The following KCNQ5 variants were observed in gnomAD, a reference collection of about 807,000 sequenced individuals.
KCNQ5 encodes the protein potassium voltage-gated channel subfamily KQT member 5.
In KCNQ5, 30 loss-of-function variants were observed where a neutral mutation model predicts 98.2. The observed-to-expected ratio is 0.31, with a 90% CI of 0.23 to 0.41. KCNQ5 has a LOEUF of 0.41. KCNQ5 is among the 10% of genes least tolerant of loss of function. KCNQ5 has a pLI of 1.00. For missense variants in KCNQ5, 835 were observed against 1,182.5 expected, an observed-to-expected ratio of 0.71 and a Z score of 4.31; for synonymous variants, 458 against 449.4, an observed-to-expected ratio of 1.02 and a Z score of -0.24.
chr6:73,141,142 A>G (rs1429489373), intron 10 of KCNQ5, among the ~76,000 whole-genome samples: 1 of 152,216 alleles, frequency 6.6e-6, no homozygotes, highest in Non-Finnish European at 1.5e-5. Context: ...TGGAAGTCCA[A>G]GATCATGGTG....
chr6:72,655,037 T>TTTCC (rs1766092411), intron 1 of KCNQ5, among the ~76,000 whole-genome samples: 4 of 125,936 alleles, frequency 3.2e-5, no homozygotes, highest in African/African-American at 9.0e-5. Flanking sequence ...TCTTTCTTTC[T>TTTCC]TTCTTTCTTT....
At position 72,985,185 on chromosome 6, in the gene KCNQ5, G is replaced by A. The variant is rs576051649; in HGVS notation, c.399-18723G>A. On this transcript the variant is annotated intron_variant, in intron 1 of 13. Transcript: ENST00000370398. ...CTGGCCACTGTACACCAGTGTGGGCGACAGCGCAATATGTTGTGACACATG... is the reference window on the plus strand; with the variant it reads ...CTGGCCACTGTACACCAGTGTGGGCAACAGCGCAATATGTTGTGACACATG... Among the ~76,000 whole-genome samples, 195 of 152,260 alleles carry A rather than the reference G, an allele frequency of 1.3e-3. 2 individuals are homozygous for A. The highest frequency in any genetic ancestry group is 4.0e-3 in the African/African-American group (165 of 41,536).
intron 10 of KCNQ5, among the ~76,000 whole-genome samples, chr6:73,147,036 C>T (rs1297973122): frequency 5.9e-5 from 9 of 151,940 alleles, no homozygotes; most frequent in East Asian, 1.9e-4. Context: ...TGAATTAATC[C>T]GACACAGTGC....
intron 1 of KCNQ5, among the ~76,000 whole-genome samples, chr6:72,774,680 A>T (rs1773077104): frequency 6.6e-6 from 1 of 152,108 alleles, no homozygotes; most frequent in African/African-American, 2.4e-5. Flanking sequence ...AAACAATAGG[A>T]AATTATGAAA....
chr6:72,745,828 C>A (rs78287032), intron 1 of KCNQ5, among the ~76,000 whole-genome samples: 22 of 152,206 alleles, frequency 1.4e-4, no homozygotes, highest in African/African-American at 5.1e-4. Flanking sequence ...AGGGAAGAAG[C>A]CTTCCTTGCC....
intron 2 of KCNQ5, among the ~76,000 whole-genome samples, chr6:73,014,212 A>G (rs774643921): frequency 1.3e-5 from 2 of 152,110 alleles, no homozygotes; most frequent in Non-Finnish European, 2.9e-5. Flanking sequence ...CTCTCTGTTA[A>G]AGAACTTCTT....
chr6:72,658,664 T>TC (rs1766343983), intron 1 of KCNQ5, among the ~76,000 whole-genome samples: 1 of 144,092 alleles, frequency 6.9e-6, no homozygotes. Flanking sequence ...TACTGCAACC[T>TC]CCGTCTCTCG....
At chr6:72,812,255 C>T (rs1346569120) in intron 1 of KCNQ5, among the ~76,000 whole-genome samples, 1 of 152,154 alleles carries the variant, frequency 6.6e-6, no homozygotes, top group Non-Finnish European at 1.5e-5. Flanking sequence ...CTGTCTCATC[C>T]TGTGACTAAG....
At chr6:72,766,344 C>T (rs1020723779) in intron 1 of KCNQ5, among the ~76,000 whole-genome samples, 3 of 151,988 alleles carry the variant, frequency 2.0e-5, no homozygotes, top group African/African-American at 4.8e-5. Flanking sequence ...GACCATAACA[C>T]GGCCTTTGAA....
chr6:72,625,448 AG>A (rs747345863), intron 1 of KCNQ5, among the ~76,000 whole-genome samples: 5 of 152,226 alleles, frequency 3.3e-5, no homozygotes, highest in Non-Finnish European at 5.9e-5. Flanking sequence ...TTCAAACATG[AG>A]GTGGCTCATT....
intron 6 of KCNQ5, among the ~76,000 whole-genome samples, chr6:73,110,903 G>A (rs1775218171): frequency 6.6e-6 from 1 of 152,116 alleles, no homozygotes; most frequent in Non-Finnish European, 1.5e-5. Context: ...GTCCCAAGTT[G>A]AAATTCATGT....
At chr6:73,032,396 G>T (rs1771191269) in intron 2 of KCNQ5, among the ~76,000 whole-genome samples, 1 of 152,024 alleles carries the variant, frequency 6.6e-6, no homozygotes, top group Non-Finnish European at 1.5e-5. Context: ...TCAAACTCCT[G>T]ACCTCAAGTG....
At chr6:72,656,527 A>G (rs1047956927) in intron 1 of KCNQ5, among the ~76,000 whole-genome samples, 1 of 152,212 alleles carries the variant, frequency 6.6e-6, no homozygotes, top group African/African-American at 2.4e-5. Context: ...CTATTCATCT[A>G]TTATATCTTT....
intron 1 of KCNQ5, among the ~76,000 whole-genome samples, chr6:72,846,689 T>C (rs1582401992): frequency 6.6e-6 from 1 of 152,078 alleles, no homozygotes; most frequent in South Asian, 2.1e-4. Flanking sequence ...AAAAAAGGAC[T>C]GCCCTGACTG....
intron 5 of KCNQ5, among the ~76,000 whole-genome samples, chr6:73,086,178 C>T (rs907346186): frequency 6.6e-6 from 1 of 152,124 alleles, no homozygotes; most frequent in Non-Finnish European, 1.5e-5. Flanking sequence ...TTCCAACCAG[C>T]AGACCTCTTA....
At chr6:72,676,212 C>T (rs1653470215) in intron 1 of KCNQ5, among the ~76,000 whole-genome samples, 1 of 152,136 alleles carries the variant, frequency 6.6e-6, no homozygotes, top group African/African-American at 2.4e-5. Flanking sequence ...AACACAAAGA[C>T]ACATCAGCAT....
intron 1 of KCNQ5, among the ~76,000 whole-genome samples, chr6:72,857,121 A>T (rs911417614): frequency 6.6e-6 from 1 of 152,238 alleles, no homozygotes; most frequent in African/African-American, 2.4e-5. Flanking sequence ...TCTGTGCATG[A>T]CTGCCTTTCC....
At chr6:73,066,952 A>G (rs958468321) in intron 3 of KCNQ5, among the ~76,000 whole-genome samples, 3 of 152,220 alleles carry the variant, frequency 2.0e-5, no homozygotes, top group African/African-American at 7.2e-5. Flanking sequence ...ATTTCTGCAG[A>G]AAAGGGCTCA....
chr6:72,768,871 C>G (rs1351845227), intron 1 of KCNQ5, among the ~76,000 whole-genome samples: 1 of 152,020 alleles, frequency 6.6e-6, no homozygotes, highest in African/African-American at 2.4e-5. Context: ...AATCTGGGAT[C>G]ATCCAACATG....
Sources: allele counts gnomAD v4.1 joint callset (sites outside exome capture counted in the v4.1 genomes callset), GRCh38; gene constraint gnomAD v4.1.1; transcripts MANE v1.5; gene names NCBI Gene and HGNC (gene_info 2026-07-23, HGNC 2026-07-21).